Variants in WNT3A observed in about 807,000 individuals in gnomAD.
WNT3A encodes the protein Wnt family member 3A.
WNT3A carries 17 observed loss-of-function variants against 37.0 expected under a neutral mutation model. That is an observed-to-expected ratio of 0.46 (90% CI 0.31 to 0.69). WNT3A has a LOEUF of 0.69. Among genes scored for constraint, WNT3A ranks in the 30% least tolerant of loss-of-function variants. The pLI, the probability that WNT3A is intolerant of heterozygous loss-of-function variation, is 0.05. For synonymous variants in WNT3A, 187 were observed against 211.0 expected, an observed-to-expected ratio of 0.89 and a Z score of 0.99; for missense variants, 411 against 510.2, an observed-to-expected ratio of 0.81 and a Z score of 1.87.
intron 2 of WNT3A, among the ~76,000 whole-genome samples, chr1:228,032,920 A>G (rs1488930351): frequency 6.6e-6 from 1 of 152,204 alleles, no homozygotes; most frequent in Non-Finnish European, 1.5e-5. Context: ...CATTTCCCTG[A>G]TATCTAAGGA....
At chr1:228,046,852 G>A (rs967196092) in intron 2 of WNT3A, among the ~76,000 whole-genome samples, 13 of 151,606 alleles carry the variant, frequency 8.6e-5, no homozygotes, top group African/African-American at 3.2e-4. Flanking sequence ...GTGTGTGCAT[G>A]TGCATCAGGT....
rs1212055876 is a variant in WNT3A, at chr1:228,060,479, C to T, written c.*1014C>T. The T allele has an allele frequency of 3.7e-5, 14 of 382,344 alleles. No homozygotes were observed. Among genetic ancestry groups the T allele is most frequent in the Non-Finnish European group, 2.4e-5 (5 of 207,738 alleles). The allele number at this position is 382,344 out of a possible 1,614,324, so 23.7% of individuals were successfully genotyped here. On this transcript the variant is annotated 3_prime_UTR_variant, in exon 4 of 4. Coordinates refer to ENST00000284523, the MANE Select transcript of WNT3A (RefSeq NM_033131.4). ...GGAAAGCCTGAAGGGCCTCCCAGCCCCCAACCCCAAGACCAAGCTTAGTCC... is the reference window on the plus strand; with the variant it reads ...GGAAAGCCTGAAGGGCCTCCCAGCCTCCAACCCCAAGACCAAGCTTAGTCC...
chr1:228,009,651 C>T (rs1016171767), intron 1 of WNT3A, among the ~76,000 whole-genome samples: 5 of 152,164 alleles, frequency 3.3e-5, no homozygotes, highest in African/African-American at 4.8e-5. Context: ...CCTTGATTCT[C>T]CCCCCTCCAC....
intron 2 of WNT3A, among the ~76,000 whole-genome samples, chr1:228,029,777 C>A (rs2030955175): frequency 6.6e-6 from 1 of 150,800 alleles, no homozygotes; most frequent in African/African-American, 2.4e-5. Flanking sequence ...TCCTCACCCA[C>A]AGGTGACGGT....
chr1:228,035,764 T>C (rs552106814), intron 2 of WNT3A, among the ~76,000 whole-genome samples: 2 of 152,212 alleles, frequency 1.3e-5, no homozygotes, highest in Non-Finnish European at 2.9e-5. Context: ...TATGCCGGCC[T>C]CTCTGCAAAG....
intron 2 of WNT3A, among the ~76,000 whole-genome samples, chr1:228,025,175 A>C (rs1037032102): frequency 2.0e-5 from 3 of 152,100 alleles, no homozygotes; most frequent in African/African-American, 7.2e-5. Context: ...TGTAAATTTT[A>C]GGAGCAGTTT....
chr1:228,012,253 C>T (rs2030395308), intron 1 of WNT3A, among the ~76,000 whole-genome samples: 1 of 152,174 alleles, frequency 6.6e-6, no homozygotes, highest in African/African-American at 2.4e-5. Flanking sequence ...TGACAGGGCT[C>T]CCGCCATCTC....
chr1:228,051,848 A>G (rs2031560998), intron 3 of WNT3A, among the ~76,000 whole-genome samples: 1 of 152,158 alleles, frequency 6.6e-6, no homozygotes, highest in African/African-American at 2.4e-5. Context: ...GGCACGTCAC[A>G]TGGGCCAGAG....
chr1:228,040,606 G>A (rs956194643), intron 2 of WNT3A, among the ~76,000 whole-genome samples: 3 of 152,114 alleles, frequency 2.0e-5, no homozygotes, highest in Admixed American at 6.5e-5. Flanking sequence ...AAACATGGCC[G>A]GGCGCAGTGG....
chr1:228,009,928 C>T (rs1269485754), intron 1 of WNT3A, among the ~76,000 whole-genome samples: 2 of 152,160 alleles, frequency 1.3e-5, no homozygotes, highest in East Asian at 3.9e-4. Flanking sequence ...CGGGCCTAGC[C>T]TAACACTGAA....
In WNT3A at chr1:228,055,182, ATATATATATATATAT is replaced by A. The variant is rs1558296203; in HGVS notation, c.580-3803_580-3789del. Among the ~76,000 whole-genome samples, 97 of 26,106 alleles carry A rather than the reference ATATATATATATATAT, an allele frequency of 3.7e-3. 6 individuals are homozygous for A. The highest frequency in any genetic ancestry group is 0.014 in the African/African-American group (91 of 6,508). The allele number at this position is 26,106 out of a possible 152,430, so 17.1% of individuals were successfully genotyped here. A position where few individuals can be genotyped will look rare whatever the true frequency, so the allele number is the denominator to read the frequency against. ...CCAAAAAAAAAAAAAAAAAAAAAAT[ATATATATATATATAT>A]ATATATATATATATATATATATACA... is the stretch of plus-strand genomic sequence containing the variant. On this transcript the variant is annotated intron_variant, in intron 3 of 3. Coordinates refer to ENST00000284523, the MANE Select transcript of WNT3A (RefSeq NM_033131.4).
intron 2 of WNT3A, among the ~76,000 whole-genome samples, chr1:228,036,605 G>T (rs1001532533): frequency 1.4e-4 from 22 of 152,168 alleles, no homozygotes; most frequent in Admixed American, 6.5e-5. Flanking sequence ...AAAGGAGCAG[G>T]ACATTCAACC....
At chr1:228,013,385 G>T (rs1014462895) in intron 1 of WNT3A, among the ~76,000 whole-genome samples, 1 of 152,212 alleles carries the variant, frequency 6.6e-6, no homozygotes, top group African/African-American at 2.4e-5. Context: ...ACACCCTGGA[G>T]GTGTCTCTCA....
chr1:228,051,381 G>A (rs974560736), intron 3 of WNT3A, among the ~76,000 whole-genome samples: 2 of 152,208 alleles, frequency 1.3e-5, no homozygotes, highest in African/African-American at 4.8e-5. Context: ...AGAGCACAGA[G>A]TGTAATGGAA....
At chr1:228,029,078 G>T (rs1471490806) in intron 2 of WNT3A, among the ~76,000 whole-genome samples, 1 of 152,158 alleles carries the variant, frequency 6.6e-6, no homozygotes, top group Admixed American at 6.5e-5. Flanking sequence ...TCCCAGGCAG[G>T]TTTGTAGGCA....
chr1:228,049,598 C>T (rs2031497785), intron 2 of WNT3A, among the ~76,000 whole-genome samples: 1 of 152,136 alleles, frequency 6.6e-6, no homozygotes, highest in Admixed American at 6.5e-5. Flanking sequence ...CTGCACCTTT[C>T]CCCTCCATCC....
At position 228,039,087 on chromosome 1, in the gene WNT3A, C is replaced by CT. The variant is rs1449124607; in HGVS notation, c.314-11568dup. Among the ~76,000 whole-genome samples the CT allele has an allele frequency of 6.6e-6, 1 of 152,124 alleles. No individual in the cohort carries two copies. The highest frequency in any genetic ancestry group is 6.5e-5 in the Admixed American group (1 of 15,282). ...CTCGGCCAGTGCATCCCTGCCAGAG[C>CT]TGGGGGTGTCCAGCCAGACAGTCAG... On this transcript the variant is annotated intron_variant, in intron 2 of 3. Transcript: ENST00000284523. The surrounding 1 kb of genome is among the most constrained non-coding windows in gnomAD (Gnocchi z 4.1).
intron 2 of WNT3A, among the ~76,000 whole-genome samples, chr1:228,035,885 G>T (rs985320256): frequency 2.0e-5 from 3 of 152,086 alleles, no homozygotes; most frequent in African/African-American, 7.2e-5. Context: ...TCCCCTTTCT[G>T]ATAGAGGAAC....
At chr1:228,028,460 C>A (rs914777750) in intron 2 of WNT3A, among the ~76,000 whole-genome samples, 5 of 151,882 alleles carry the variant, frequency 3.3e-5, no homozygotes, top group African/African-American at 7.3e-5. Flanking sequence ...TGCCACAATA[C>A]CTGGCTAATT....
Sources: gnomAD v4.1 joint callset for allele counts (sites outside exome capture counted in the v4.1 genomes callset) on GRCh38, gnomAD v4.1.1 for gene constraint, Gnocchi (gnomAD v3.1) non-coding constraint, MANE v1.5 for transcripts, NCBI Gene and HGNC (gene_info 2026-07-23, HGNC 2026-07-21) for gene names.